SLC22A23: variants seen among roughly 807,000 people sequenced by gnomAD.
SLC22A23 encodes the protein solute carrier family 22 member 23.
Under a neutral mutation model 61.0 loss-of-function variants are expected in SLC22A23, and 26 were observed. The ratio of observed to expected loss-of-function variants is 0.43; its 90% CI spans 0.31 to 0.59. SLC22A23 has a LOEUF of 0.59. Ranked by LOEUF, SLC22A23 falls within the 20% of genes least tolerant of loss-of-function variation. The pLI, the probability that SLC22A23 is intolerant of heterozygous loss-of-function variation, is 0.11. For synonymous variants in SLC22A23, 430 were observed against 413.9 expected (o/e 1.04, Z -0.47); for missense variants, 796 against 934.7 (o/e 0.85, Z 1.94).
intron 8 of SLC22A23, chr6:3,284,830 G>A: frequency 7.3e-7 from 1 of 1,375,392 alleles, no homozygotes; most frequent in Admixed American, 2.0e-5. Flanking sequence ...GGTGCCAGGG[G>A]AAGGGGCGGG....
intron 3 of SLC22A23, among the ~76,000 whole-genome samples, chr6:3,344,665 G>C (rs2127426466): frequency 6.6e-6 from 1 of 152,326 alleles, no homozygotes; most frequent in East Asian, 1.9e-4. Context: ...TTTTTCTGGA[G>C]GTAGAAGTGA....
rs1388273484 is a variant in SLC22A23, at chr6:3,456,705, G to C, written c.-146C>G. On this transcript the variant is annotated 5_prime_UTR_variant, in exon 1 of 10. Coordinates refer to ENST00000406686, the MANE Select transcript of SLC22A23 (RefSeq NM_015482.2). The surrounding 1 kb of genome is among the most constrained non-coding windows in gnomAD (Gnocchi z 7.1). ...TCGAGAGAGAGCGCTCGGCGGCTCC[G>C]GGTGCGTCAGGCCGCCCCCATGTCA... The C allele has an allele frequency of 4.6e-6, 2 of 432,736 alleles. No individual in the cohort carries two copies. The highest frequency in any genetic ancestry group is 1.6e-4 in the East Asian group (1 of 6,240). 26.8% of individuals were successfully genotyped at this position (432,736 alleles called of 1,614,324 possible). A position where few individuals can be genotyped will look rare whatever the true frequency, so the allele number is the denominator to read the frequency against.
At chr6:3,353,068 C>T (rs140310253) in intron 3 of SLC22A23, among the ~76,000 whole-genome samples, 166 of 152,310 alleles carry the variant, frequency 1.1e-3, no homozygotes, top group African/African-American at 3.8e-3. Flanking sequence ...TCTTCAGCAA[C>T]GACCAGACCG....
At chr6:3,439,140 T>A (rs930623230) in intron 1 of SLC22A23, among the ~76,000 whole-genome samples, 1 of 152,150 alleles carries the variant, frequency 6.6e-6, no homozygotes, top group Non-Finnish European at 1.5e-5. Context: ...TCCCTTGTGG[T>A]GTGGACAGTC....
intron 4 of SLC22A23, among the ~76,000 whole-genome samples, chr6:3,320,844 A>G (rs767060000): frequency 1.1e-4 from 17 of 152,192 alleles, no homozygotes; most frequent in South Asian, 2.1e-4. Flanking sequence ...AGCAGTGACT[A>G]ATATTTAATA....
At chr6:3,354,070 G>A (rs546234561) in intron 3 of SLC22A23, among the ~76,000 whole-genome samples, 2 of 152,202 alleles carry the variant, frequency 1.3e-5, no homozygotes, top group Non-Finnish European at 2.9e-5. Context: ...AAACCTCCTT[G>A]GCAGGCCTGA....
chr6:3,345,453 C>T (rs1054294157), intron 3 of SLC22A23, among the ~76,000 whole-genome samples: 9 of 151,296 alleles, frequency 5.9e-5, no homozygotes, highest in African/African-American at 2.2e-4. Flanking sequence ...GCAGCCTCCG[C>T]CTCCTGGGTT....
At chr6:3,434,580 G>A (rs922340341) in intron 1 of SLC22A23, among the ~76,000 whole-genome samples, 7 of 151,698 alleles carry the variant, frequency 4.6e-5, no homozygotes, top group African/African-American at 1.7e-4. Context: ...CTGCACTCCA[G>A]CCTGGGCAAC....
chr6:3,388,726 G>T (rs1380052281), intron 3 of SLC22A23, among the ~76,000 whole-genome samples: 1 of 152,200 alleles, frequency 6.6e-6, no homozygotes, highest in African/African-American at 2.4e-5. Flanking sequence ...AATGGAACAT[G>T]ATACAGCCTT....
intron 1 of SLC22A23, among the ~76,000 whole-genome samples, chr6:3,418,132 A>G (rs1034283744): frequency 3.3e-5 from 5 of 152,156 alleles, no homozygotes; most frequent in Non-Finnish European, 7.3e-5. Context: ...CTCATCTCCC[A>G]GTTGCATCAT....
chr6:3,427,070 C>T lies in SLC22A23; in HGVS notation c.655-11215G>A, dbSNP rs1242081302. ...ACAGCTGGGATGCAGGCTAAGAGCT[C>T]GGAGTTTGAGCCTGATAAGCCCCAG... On this transcript the variant is annotated intron_variant, in intron 1 of 9. Coordinates refer to ENST00000406686, the MANE Select transcript of SLC22A23 (RefSeq NM_015482.2). The surrounding 1 kb of genome is among the most constrained non-coding windows in gnomAD (Gnocchi z 4.3). Among the ~76,000 whole-genome samples the T allele has an allele frequency of 6.6e-6, 1 of 152,198 alleles. No individual in the cohort carries two copies. Among genetic ancestry groups the T allele is most frequent in the Non-Finnish European group, 1.5e-5 (1 of 68,042 alleles).
chr6:3,315,246 G>T (rs1762571469), intron 4 of SLC22A23, among the ~76,000 whole-genome samples: 1 of 152,170 alleles, frequency 6.6e-6, no homozygotes, highest in Non-Finnish European at 1.5e-5. Flanking sequence ...TTGCCAGCAA[G>T]ATGCCCCATC....
chr6:3,276,185 C>T (rs923319152), intron 9 of SLC22A23, among the ~76,000 whole-genome samples: 7 of 152,146 alleles, frequency 4.6e-5, no homozygotes, highest in African/African-American at 1.4e-4. Flanking sequence ...GCCTTTTCTC[C>T]CTCTAATGTA....
rs531437530 is a variant in SLC22A23, at chr6:3,397,536, T to A, written c.913+12652A>T. 6.6e-4 allele frequency among the ~76,000 whole-genome samples: 100 copies of A among 152,386 alleles called. No individual in the cohort carries two copies. In the Middle Eastern group the frequency reaches 0.014, roughly 21 times the overall value. ...GTAAAATGGGGCTATTTGTGGGAGC[T>A]ACTTTACATGGTTACTATGAAATTT... On this transcript the variant is annotated intron_variant, in intron 3 of 9. Coordinates refer to ENST00000406686, the MANE Select transcript of SLC22A23 (RefSeq NM_015482.2).
At chr6:3,396,436 C>G (rs1768007034) in intron 3 of SLC22A23, among the ~76,000 whole-genome samples, 1 of 152,194 alleles carries the variant, frequency 6.6e-6, no homozygotes, top group African/African-American at 2.4e-5. Flanking sequence ...GTAGTCCCAG[C>G]TACTCGGGAG....
chr6:3,321,707 G>T (rs975722920), intron 4 of SLC22A23, among the ~76,000 whole-genome samples: 2 of 152,082 alleles, frequency 1.3e-5, no homozygotes, highest in African/African-American at 4.8e-5. Flanking sequence ...GGGACAGGTG[G>T]GTGCAGAGCC....
chr6:3,448,483 T>G (rs1772019291), intron 1 of SLC22A23, among the ~76,000 whole-genome samples: 1 of 151,556 alleles, frequency 6.6e-6, no homozygotes, highest in Middle Eastern at 3.4e-3. Flanking sequence ...GTCCACCATG[T>G]TTTTTTGTTT....
chr6:3,321,136 C>T (rs1183763620), intron 4 of SLC22A23, among the ~76,000 whole-genome samples: 1 of 152,232 alleles, frequency 6.6e-6, no homozygotes, highest in Non-Finnish European at 1.5e-5. Flanking sequence ...AGCCTCCCTT[C>T]AGACTGCCCC....
At chr6:3,436,297 A>G (rs963914300) in intron 1 of SLC22A23, among the ~76,000 whole-genome samples, 3 of 151,924 alleles carry the variant, frequency 2.0e-5, no homozygotes, top group Non-Finnish European at 4.4e-5. Flanking sequence ...CACCACGTCC[A>G]GCTATTTTTT....
Sources: gnomAD v4.1 joint callset for allele counts (sites outside exome capture counted in the v4.1 genomes callset) on GRCh38, gnomAD v4.1.1 for gene constraint, Gnocchi (gnomAD v3.1) non-coding constraint, MANE v1.5 for transcripts, NCBI Gene and HGNC (gene_info 2026-07-23, HGNC 2026-07-21) for gene names.